Variants in RNF43 observed in about 807,000 individuals in gnomAD.
RNF43 encodes the protein ring finger protein 43.
Under a neutral mutation model 78.4 loss-of-function variants are expected in RNF43, and 37 were observed. That is an observed-to-expected ratio of 0.47 (90% CI 0.36 to 0.62). The LOEUF is 0.62. Among genes scored for constraint, RNF43 ranks in the 20% least tolerant of loss-of-function variants. RNF43 has a pLI of 0.00. For synonymous variants in RNF43, 347 were observed against 395.0 expected (o/e 0.88, Z 1.44); for missense variants, 774 against 1,007.9 (o/e 0.77, Z 3.14).
intron 2 of RNF43, among the ~76,000 whole-genome samples, chr17:58,387,378 C>T (rs532322644): frequency 9.2e-5 from 14 of 152,182 alleles, no homozygotes; most frequent in East Asian, 7.7e-4. Context: ...TGGCTGGGTG[C>T]GGTGGCTCAC....
rs2680700 is a variant in RNF43, at chr17:58,363,181, G to T, written c.582+94C>A. 516,220 of 1,459,326 alleles carry T rather than the reference G, an allele frequency of 0.35. 94,075 individuals are homozygous for T. Among genetic ancestry groups the T allele is most frequent in the Non-Finnish European group, 0.38 (409,548 of 1,077,856 alleles). 90.4% of individuals were successfully genotyped at this position (1,459,326 alleles called of 1,614,324 possible). ...GACTAGAGGGTTTCCAGGATCTCTC[G>T]CAGCTCCAGGAGTCTAAGGGCTTTT... On this transcript the variant is annotated intron_variant, in intron 5 of 9. Coordinates refer to ENST00000407977, the MANE Select transcript of RNF43 (RefSeq NM_017763.6).
rs756576921 is a variant in RNF43, at chr17:58,363,329, C to G, written c.528G>C (p.Val176=). ...TCACATGGGCCTTTTGGTTCTTGTA[C>G]ACAAACTCCATCAGCTTCTCAGCGT... is the stretch of plus-strand genomic sequence containing the variant. ...GNDAEKLMEF[V]YKNQKAHVRI... The change falls in exon 5 of 10, where the codon GTG becomes GTC. Residue 176 remains valine (V), a synonymous_variant. Coordinates refer to ENST00000407977, the MANE Select transcript of RNF43 (RefSeq NM_017763.6). 8.1e-6 allele frequency: 13 copies of G among 1,614,166 alleles called. No homozygotes were observed. In the South Asian group the frequency reaches 1.4e-4, roughly 18 times the overall value.
intron 2 of RNF43, among the ~76,000 whole-genome samples, chr17:58,414,906 G>C (rs555140411): frequency 6.6e-6 from 1 of 152,234 alleles, no homozygotes; most frequent in East Asian, 1.9e-4. Context: ...GGGCATTCCA[G>C]AATTTCAGGT....
intron 3 of RNF43, among the ~76,000 whole-genome samples, chr17:58,365,344 G>A (rs893346567): frequency 1.3e-5 from 2 of 152,172 alleles, no homozygotes; most frequent in Non-Finnish European, 2.9e-5. Flanking sequence ...GGGACTCCCA[G>A]GCCTCAGTTT....
intron 2 of RNF43, among the ~76,000 whole-genome samples, chr17:58,395,611 C>T (rs755737729): frequency 6.6e-6 from 1 of 152,024 alleles, no homozygotes; most frequent in Non-Finnish European, 1.5e-5. Flanking sequence ...TAACTTAGTC[C>T]CTCACTATAA....
rs1485495192 is a variant in RNF43 at position 58,357,271 on chromosome 17, A to G, written c.2308+197T>C. On this transcript the variant is annotated intron_variant, in intron 9 of 9. Transcript: ENST00000407977. The surrounding 1 kb of genome is among the most constrained non-coding windows in gnomAD (Gnocchi z 4.5). ...CCTGTGATCTGCCAACTAAAGGGGTAGCACCTGGCAGAGGTGGGGTGTTCC... is the reference window on the plus strand; with the variant it reads ...CCTGTGATCTGCCAACTAAAGGGGTGGCACCTGGCAGAGGTGGGGTGTTCC... 6.6e-6 allele frequency: 5 copies of G among 756,276 alleles called. No homozygotes were observed. The highest frequency in any genetic ancestry group is 1.2e-5 in the Non-Finnish European group (5 of 433,098). The allele number at this position is 756,276 out of a possible 1,614,324, so 46.8% of individuals were successfully genotyped here.
At chr17:58,362,064 C>T (rs904126341) in intron 6 of RNF43, among the ~76,000 whole-genome samples, 1 of 151,666 alleles carries the variant, frequency 6.6e-6, no homozygotes, top group African/African-American at 2.4e-5. Context: ...CCACCCTGGG[C>T]GACAGAGCAA....
intron 2 of RNF43, among the ~76,000 whole-genome samples, chr17:58,400,018 T>G (rs1386199720): frequency 6.6e-6 from 1 of 152,138 alleles, no homozygotes; most frequent in Non-Finnish European, 1.5e-5. Context: ...GGTTCTAGGA[T>G]CCCTCAGACT....
intron 3 of RNF43, among the ~76,000 whole-genome samples, chr17:58,369,660 G>A (rs1225264164): frequency 2.6e-5 from 4 of 152,184 alleles, no homozygotes; most frequent in Non-Finnish European, 5.9e-5. Context: ...AAACAGACAG[G>A]GTTGGATTCA....
chr17:58,409,634 C>T (rs765021057), intron 2 of RNF43, among the ~76,000 whole-genome samples: 5 of 152,214 alleles, frequency 3.3e-5, no homozygotes, highest in Non-Finnish European at 5.9e-5. Flanking sequence ...TAGCCTCTCA[C>T]GGTGCTGGGA....
intron 6 of RNF43, 66 bp from the exon 7 acceptor site, chr17:58,361,010 C>T (rs1458726398): frequency 2.1e-6 from 3 of 1,456,490 alleles, no homozygotes; most frequent in East Asian, 2.5e-5. Flanking sequence ...TGGACCCAAG[C>T]TTGGACTCCG....
In RNF43 at chr17:58,417,050, G is replaced by A. The variant is rs1454309164; in HGVS notation, c.-419C>T. On this transcript the variant is annotated 5_prime_UTR_variant, in exon 1 of 10. Transcript: ENST00000407977. ...CTGTCGGGCCCACTGGAATCCACGG[G>A]GGTGAAACAAATTCAATTATGCTTT... 3 of 152,246 alleles carry A rather than the reference G, an allele frequency of 2.0e-5. No individual in the cohort carries two copies. The highest frequency in any genetic ancestry group is 1.3e-4 in the Admixed American group (2 of 15,292). 9.4% of individuals were successfully genotyped at this position (152,246 alleles called of 1,614,324 possible).
In RNF43 at chr17:58,360,958, T is replaced by C; in HGVS notation, c.688-14A>G. 6.5e-7 allele frequency: 1 copy of C among 1,546,230 alleles called. No individual in the cohort carries two copies. The highest frequency in any genetic ancestry group is 1.2e-5 in the South Asian group (1 of 81,640). On this transcript the variant is annotated splice_polypyrimidine_tract_variant and intron_variant, in intron 6 of 9. Coordinates refer to ENST00000407977, the MANE Select transcript of RNF43 (RefSeq NM_017763.6). The surrounding 1 kb of genome is among the most constrained non-coding windows in gnomAD (Gnocchi z 4.3). The stretch of plus-strand genomic sequence containing the variant: ...CTGAAGCGGATCCTGGGAAGAGGAA[T>C]GGGGCTCAGATTGGGGCATGGGCTC...
chr17:58,400,289 T>A (rs975741367), intron 2 of RNF43, among the ~76,000 whole-genome samples: 14 of 152,180 alleles, frequency 9.2e-5, no homozygotes, highest in Admixed American at 2.6e-4. Flanking sequence ...CCCACAAAAT[T>A]TTGAAGCTAA....
intron 2 of RNF43, among the ~76,000 whole-genome samples, chr17:58,381,495 T>C (rs1973317310): frequency 6.6e-6 from 1 of 152,176 alleles, no homozygotes; most frequent in Non-Finnish European, 1.5e-5. Context: ...GAGAGTGGAT[T>C]TTTATTCCCA....
intron 2 of RNF43, among the ~76,000 whole-genome samples, chr17:58,396,304 T>A (rs1487182015): frequency 6.6e-6 from 1 of 152,064 alleles, no homozygotes; most frequent in Admixed American, 6.6e-5. Flanking sequence ...AGGACCACCA[T>A]GTAGATTAAA....
intron 2 of RNF43, among the ~76,000 whole-genome samples, chr17:58,397,663 C>CA (rs573256327): frequency 0.038 from 2,924 of 77,956 alleles, 47 homozygotes; most frequent in South Asian, 0.072. Context: ...AACTCCGTCT[C>CA]AAAAAAAAAA....
chr17:58,370,075 T>G (rs944676601), intron 3 of RNF43, among the ~76,000 whole-genome samples: 4 of 125,624 alleles, frequency 3.2e-5, no homozygotes, highest in Non-Finnish European at 7.0e-5. Flanking sequence ...TTTTTTTTTT[T>G]TTTTTTTTTT....
intron 2 of RNF43, among the ~76,000 whole-genome samples, chr17:58,405,654 G>A (rs1478080048): frequency 6.6e-6 from 1 of 150,848 alleles, no homozygotes; most frequent in Non-Finnish European, 1.5e-5. Flanking sequence ...ACTCCAGCCT[G>A]GGTGACAGAG....
Sources: gnomAD v4.1 joint callset for allele counts (sites outside exome capture counted in the v4.1 genomes callset) on GRCh38, gnomAD v4.1.1 for gene constraint, Gnocchi (gnomAD v3.1) non-coding constraint, MANE v1.5 for transcripts, NCBI Gene and HGNC (gene_info 2026-07-23, HGNC 2026-07-21) for gene names.